The following ALAS2 variants were observed in gnomAD, a reference collection of about 807,000 sequenced individuals.
The protein encoded by ALAS2 is 5'-aminolevulinate synthase 2.
In ALAS2, 3 loss-of-function variants were observed where a neutral mutation model predicts 33.7. That is an observed-to-expected ratio of 0.09 (90% CI 0.04 to 0.23). The LOEUF (loss-of-function observed/expected upper bound fraction) is 0.23. ALAS2 is among the 10% of genes least tolerant of loss of function. The probability of loss-of-function intolerance (pLI) is 1.00; values close to 1 mark genes in which losing one functional copy is unlikely to be tolerated. For missense variants in ALAS2, 304 were observed against 475.1 expected, an observed-to-expected ratio of 0.64 and a Z score of 3.35; for synonymous variants, 191 against 177.3, an observed-to-expected ratio of 1.08 and a Z score of -0.61.
In ALAS2 at chrX:55,017,541, C is replaced by G; in HGVS notation, c.948G>C (p.Lys316Asn). The G allele has an allele frequency of 8.3e-7, 1 of 1,211,353 alleles. No homozygotes were observed. Reference protein sequence around the residue: ...DPDHLKKLLEKSNPKIPKIVA... With the variant: ...DPDHLKKLLENSNPKIPKIVA... ...CAATTTTGGGTATCTTAGGGTTAGACTTCTCTAGAAGTTTCTTTAGGTGGT... is the reference window on the plus strand; with the variant it reads ...CAATTTTGGGTATCTTAGGGTTAGAGTTCTCTAGAAGTTTCTTTAGGTGGT... The change falls in exon 7 of 11, where the codon AAG becomes AAC. Residue 316 changes from lysine to asparagine, a missense_variant. Lys to Asn is a moderately conservative substitution (Grantham distance 94). This residue lies in a region of ALAS2 where 138 missense variants were observed against 265.3 expected (regional missense o/e 0.52). Transcript: ENST00000650242.
chrX:55,030,837 A>G (rs1394379165), intron 1 of ALAS2, 105 bp downstream of exon 1: 1 of 195,047 alleles, frequency 5.1e-6, no homozygotes, highest in Non-Finnish European at 1.1e-5. Context: ...AGAAACAAAC[A>G]AAGGAAAAAG....
At chrX:55,021,858 A>G (rs1935811431) in intron 4 of ALAS2, among the ~76,000 whole-genome samples, 1 of 112,363 alleles carries the variant, frequency 8.9e-6, no homozygotes, top group Non-Finnish European at 1.9e-5. Flanking sequence ...ATTCAATTAC[A>G]TCATTATAGC....
In ALAS2 at chrX:55,013,483, T is replaced by C. The variant is rs374467912; in HGVS notation, c.1600+3A>G. 8.3e-6 allele frequency: 10 copies of C among 1,206,035 alleles called. No homozygotes were observed. Among genetic ancestry groups the C allele is most frequent in the Middle Eastern group, 2.3e-4 (1 of 4,361 alleles). ...CCTGTAGGCACCCATGTTGAGAACTTACCCACAAAATCTTCCATCATCTGA... is the reference window on the plus strand; with the variant it reads ...CCTGTAGGCACCCATGTTGAGAACTCACCCACAAAATCTTCCATCATCTGA... On this transcript the variant is annotated splice_donor_region_variant and intron_variant, in intron 10 of 10. Transcript: ENST00000650242.
At chrX:55,016,010 T>TAC (rs1491123510) in intron 7 of ALAS2, among the ~76,000 whole-genome samples, 3 of 55,858 alleles carry the variant, frequency 5.4e-5, no homozygotes, top group African/African-American at 1.9e-4. Flanking sequence ...TGTGTGTGTG[T>TAC]ACGTGTGTGT....
Position 55,021,208 on chromosome X carries a change from G to A in ALAS2, c.482C>T (p.Thr161Ile). Residue 161 changes from threonine (T) to isoleucine (I), a missense_variant, in exon 5 of 11, where the codon ACC becomes ATC. By Grantham distance (89) the Thr-to-Ile change is moderately conservative. Around this residue, in one of 3 missense-constraint regions of ALAS2, gnomAD observed 138 missense variants for 265.3 expected, o/e 0.52. Coordinates refer to ENST00000650242, the MANE Select transcript of ALAS2 (RefSeq NM_000032.5). ...DKIMEKKQDH[T>I]YRVFKTVNRW... is the part of the protein sequence containing the mutation. The stretch of plus-strand genomic sequence containing the variant: ...GTTCACAGTCTTGAACACACGGTAG[G>A]TGTGATCCTGTTTCTTCTCCATGAT... 8.3e-7 allele frequency: 1 copy of A among 1,211,868 alleles called. No individual in the cohort carries two copies. Among genetic ancestry groups the A allele is most frequent in the Non-Finnish European group, 1.1e-6 (1 of 895,435 alleles).
At chrX:55,030,628 T>A (rs1935980062) in intron 1 of ALAS2, among the ~76,000 whole-genome samples, 1 of 108,606 alleles carries the variant, frequency 9.2e-6, no homozygotes, top group South Asian at 4.1e-4. Flanking sequence ...AGAAAGAAAT[T>A]TAGAGAAAAA....
At chrX:55,027,948 T>A (rs1935919720) in intron 1 of ALAS2, 1 of 513,152 alleles carries the variant, frequency 1.9e-6, no homozygotes, top group Admixed American at 2.9e-5. Context: ...ACATAGTAAA[T>A]CTTCAATAAA....
At chrX:55,014,071 T>C (rs959686294) in intron 9 of ALAS2, among the ~76,000 whole-genome samples, 4 of 111,626 alleles carry the variant, frequency 3.6e-5, no homozygotes, top group African/African-American at 1.3e-4. Context: ...TAAAGAGCAG[T>C]GACTATTTCT....
intron 8 of ALAS2, among the ~76,000 whole-genome samples, 167 bp downstream of exon 8, chrX:55,015,411 A>G (rs1935681909): frequency 9.0e-6 from 1 of 111,510 alleles, no homozygotes. Context: ...TTTCTCATCA[A>G]CTCTGCAGTG....
chrX:55,015,431 T>G, intron 8 of ALAS2, 147 bp downstream of exon 8: 1 of 643,102 alleles, frequency 1.6e-6, no homozygotes, highest in South Asian at 2.7e-5. Flanking sequence ...GGGATGCGAG[T>G]GGAGAGAGGG....
At chrX:55,026,409 C>G (rs1935893662) in intron 1 of ALAS2, among the ~76,000 whole-genome samples, 2 of 112,097 alleles carry the variant, frequency 1.8e-5, no homozygotes, top group South Asian at 7.5e-4. Context: ...GAATGTTGGT[C>G]TTAGCCAAGT....
At chrX:55,009,427 T>C (rs1935562542) in intron 10 of ALAS2, 84 bp from the exon 11 acceptor site, 1 of 1,000,237 alleles carries the variant, frequency 1.0e-6, no homozygotes, top group East Asian at 3.3e-5. Flanking sequence ...AGCCAAGATA[T>C]TGATCCCCCT....
chrX:55,012,358 G>C (rs1402870127), intron 10 of ALAS2, among the ~76,000 whole-genome samples: 3 of 111,718 alleles, frequency 2.7e-5, no homozygotes, highest in Non-Finnish European at 5.6e-5. Flanking sequence ...ACTCCCTCTA[G>C]CTCCCAGAAT....
chrX:55,028,330 TTGG>T (rs1477230226), intron 1 of ALAS2, among the ~76,000 whole-genome samples: 2 of 110,921 alleles, frequency 1.8e-5, no homozygotes, highest in Non-Finnish European at 3.8e-5. Context: ...GCCCTGGCTA[TTGG>T]TGGTAAGAAA....
At chrX:55,021,906 C>T (rs1199861397) in intron 4 of ALAS2, among the ~76,000 whole-genome samples, 7 of 111,864 alleles carry the variant, frequency 6.3e-5, no homozygotes, top group Non-Finnish European at 1.3e-4. Context: ...TAAGTTCTTT[C>T]CTAGGAACTT....
At position 55,013,740 on chromosome X, in the gene ALAS2, A is replaced by C. The variant is rs930917258; in HGVS notation, c.1438-92T>G. The stretch of plus-strand genomic sequence containing the variant: ...CAGATGGAGGGAACTAGATGAGGGA[A>C]CATCACTGAATTTTGGGATAGATTT... On this transcript the variant is annotated intron_variant, in intron 9 of 10. Coordinates refer to ENST00000650242, the MANE Select transcript of ALAS2 (RefSeq NM_000032.5). 6 of 1,055,068 alleles carry C rather than the reference A, an allele frequency of 5.7e-6. 1 individual carries two copies. The African/African-American group carries it at 1.1e-4, about 19-fold the overall frequency. 86.9% of individuals were successfully genotyped at this position (1,055,068 alleles called of 1,213,427 possible). A position where few individuals can be genotyped will look rare whatever the true frequency, so the allele number is the denominator to read the frequency against.
chrX:55,029,274 C>T (rs991811905), intron 1 of ALAS2, among the ~76,000 whole-genome samples: 2 of 111,158 alleles, frequency 1.8e-5, no homozygotes, highest in African/African-American at 6.5e-5. Context: ...TCTGGGCTTC[C>T]GTTTCTCCAC....
chrX:55,010,589 G>A (rs562612204), intron 10 of ALAS2, among the ~76,000 whole-genome samples: 49 of 110,828 alleles, frequency 4.4e-4, no homozygotes, highest in African/African-American at 1.5e-3. Context: ...CTCTGCCTGC[G>A]ATGCCATTCC....
intron 7 of ALAS2, among the ~76,000 whole-genome samples, chrX:55,017,244 C>A (rs922419504): frequency 8.9e-6 from 1 of 111,743 alleles, no homozygotes; most frequent in African/African-American, 3.3e-5. Context: ...TGACCTTGGA[C>A]AAATTACTCT....
Sources: allele counts gnomAD v4.1 joint callset (sites outside exome capture counted in the v4.1 genomes callset), GRCh38; gene constraint gnomAD v4.1.1; regional missense constraint gnomAD v4.1.1; transcripts MANE v1.5; gene names NCBI Gene and HGNC (gene_info 2026-07-23, HGNC 2026-07-21).